Variants in STEAP3 observed in about 807,000 individuals in gnomAD.
The protein encoded by STEAP3 is STEAP3 metalloreductase, also known as metalloreductase STEAP3.
A neutral mutation model predicts 34.9 loss-of-function variants in STEAP3; 35 were observed. The ratio of observed to expected loss-of-function variants is 1.00; its 90% CI spans 0.76 to 1.33. The LOEUF is 1.33. Among genes scored for constraint, STEAP3 ranks in the 40% most tolerant of loss-of-function variants. The probability of loss-of-function intolerance (pLI) is 0.00; values close to 1 mark genes in which losing one functional copy is unlikely to be tolerated. For missense variants in STEAP3, 652 were observed against 667.6 expected, an observed-to-expected ratio of 0.98 and a Z score of 0.26; for synonymous variants, 281 against 301.6, an observed-to-expected ratio of 0.93 and a Z score of 0.71.
rs1658066492 is a variant in STEAP3 at position 119,230,948 on chromosome 2, G to A, written c.-65G>A. The A allele has an allele frequency of 6.2e-7, 1 of 1,606,704 alleles. No homozygotes were observed. Among genetic ancestry groups the A allele is most frequent in the African/African-American group, 1.3e-5 (1 of 74,842 alleles). ...TCCTGGTTGGAGACTGAGCCAGAAA[G>A]GGTGGCTCACCTCACGGTGAGGCTG... On this transcript the variant is annotated 5_prime_UTR_variant, in exon 2 of 6. Coordinates refer to ENST00000393110, the MANE Select transcript of STEAP3 (RefSeq NM_182915.3).
chr2:119,254,940 T>A, intron 5 of STEAP3, 92 bp downstream of exon 5: 1 of 1,455,584 alleles, frequency 6.9e-7, no homozygotes, highest in Non-Finnish European at 9.3e-7. Flanking sequence ...CTGCCTGGGC[T>A]CTGATCATCT....
intron 2 of STEAP3, among the ~76,000 whole-genome samples, chr2:119,243,422 C>T (rs1417286323): frequency 6.6e-6 from 1 of 152,176 alleles, no homozygotes; most frequent in Non-Finnish European, 1.5e-5. Context: ...GGCAGACAGA[C>T]CTGCCTCCTG....
Position 119,247,826 on chromosome 2 carries a change from G to T in STEAP3, c.670G>T (p.Val224Leu), listed in dbSNP as rs761354284. 1 of 1,613,002 alleles carries T rather than the reference G, an allele frequency of 6.2e-7. No individual in the cohort carries two copies. Residue 224 changes from valine to leucine, a missense_variant, in exon 4 of 6, where the codon GTG becomes TTG. Transcript: ENST00000393110. ...CCTGCGCCTCCTCCCGGCCTGGAAG[G>T]TGCCCACCCTGCTGGCCCTGGGGCT... ...MPLRLLPAWK[V>L]PTLLALGLFV...
At position 119,263,351 on chromosome 2, in the gene STEAP3, G is replaced by A. The variant is rs1326252938; in HGVS notation, c.*13G>A. On this transcript the variant is annotated 3_prime_UTR_variant, in exon 6 of 6. Transcript: ENST00000393110. ...GAGCCACGTATGAGGTGCCTGCCCT[G>A]GGCTCTGGACCCCGGGCACACGAGG... 1 of 1,609,564 alleles carries A rather than the reference G, an allele frequency of 6.2e-7. No homozygotes were observed. The highest frequency in any genetic ancestry group is 2.2e-5 in the East Asian group (1 of 44,720).
intron 4 of STEAP3, among the ~76,000 whole-genome samples, chr2:119,250,603 G>A (rs890130366): frequency 2.0e-5 from 3 of 152,162 alleles, no homozygotes; most frequent in African/African-American, 7.2e-5. Context: ...CCCCTGAGCT[G>A]GCAGGTATTT....
chr2:119,235,321 G>C (rs1677062940), intron 2 of STEAP3, among the ~76,000 whole-genome samples: 1 of 152,236 alleles, frequency 6.6e-6, no homozygotes, highest in Non-Finnish European at 1.5e-5. Context: ...ATCTAGAGGA[G>C]CTCAGAGACA....
Position 119,240,602 on chromosome 2 carries a change from C to T in STEAP3, c.23-4887C>T, listed in dbSNP as rs1054127397. Among the ~76,000 whole-genome samples the T allele has an allele frequency of 8.5e-5, 13 of 152,322 alleles. 2 individuals are homozygous for T. In the South Asian group the frequency reaches 2.5e-3, roughly 29 times the overall value. ...CTGGCAGGCAGGCCCATGGGCCAGG[C>T]GTGGCTCCCAGCCATAAACACAGGC... On this transcript the variant is annotated intron_variant, in intron 2 of 5. Transcript: ENST00000393110.
chr2:119,243,572 C>T (rs981151854), intron 2 of STEAP3, among the ~76,000 whole-genome samples: 10 of 152,184 alleles, frequency 6.6e-5, no homozygotes, highest in African/African-American at 9.7e-5. Flanking sequence ...GCCCATCACC[C>T]GAGGAAAGGC....
At chr2:119,257,371 C>T in intron 5 of STEAP3, 1 of 1,376,922 alleles carries the variant, frequency 7.3e-7, no homozygotes, top group Non-Finnish European at 9.4e-7. Context: ...GGCCTGCCTC[C>T]CATCCGTGGA....
At chr2:119,245,462 T>C (rs1189263073) in intron 2 of STEAP3, 27 bp from the exon 3 acceptor site, 1 of 1,554,646 alleles carries the variant, frequency 6.4e-7, no homozygotes, top group Non-Finnish European at 8.7e-7. Context: ...AGCCCTCCAC[T>C]GACCAGGTTC....
intron 3 of STEAP3, among the ~76,000 whole-genome samples, chr2:119,247,368 C>G (rs1677462137): frequency 6.6e-6 from 1 of 152,352 alleles, no homozygotes; most frequent in East Asian, 1.9e-4. Context: ...TGGGGACTAC[C>G]TGGATGAGCA....
At chr2:119,234,446 C>G (rs1677032736) in intron 2 of STEAP3, among the ~76,000 whole-genome samples, 1 of 152,224 alleles carries the variant, frequency 6.6e-6, no homozygotes, top group African/African-American at 2.4e-5. Flanking sequence ...CACAAGCCAG[C>G]TCCCTGGCCT....
chr2:119,234,774 C>T (rs1677046593), intron 2 of STEAP3, among the ~76,000 whole-genome samples: 1 of 152,206 alleles, frequency 6.6e-6, no homozygotes. Flanking sequence ...AATGGCACCT[C>T]CTAAAGTTGT....
At chr2:119,254,627 C>A in intron 4 of STEAP3, 57 bp from the exon 5 acceptor site, 1 of 1,604,508 alleles carries the variant, frequency 6.2e-7, no homozygotes, top group South Asian at 1.1e-5. Flanking sequence ...CATCATTGCC[C>A]TCCCGGGGCA....
At chr2:119,243,390 G>T (rs183007015) in intron 2 of STEAP3, among the ~76,000 whole-genome samples, 381 of 152,282 alleles carry the variant, frequency 2.5e-3, no homozygotes, top group Non-Finnish European at 4.4e-3. Context: ...GCAGTAAGAC[G>T]GAGTGAGGCT....
chr2:119,251,876 A>G (rs1677637866), intron 4 of STEAP3, among the ~76,000 whole-genome samples: 1 of 152,082 alleles, frequency 6.6e-6, no homozygotes, highest in Non-Finnish European at 1.5e-5. Context: ...GCTCCCCCAG[A>G]CTATCCCCTT....
chr2:119,263,251 G>C lies in STEAP3; in HGVS notation c.1410G>C (p.Arg470Ser). 1 of 1,614,136 alleles carries C rather than the reference G, an allele frequency of 6.2e-7. No homozygotes were observed. The highest frequency in any genetic ancestry group is 1.1e-5 in the South Asian group (1 of 91,088). ...LLPCISRRLA[R>S]IRRGWEREST... ...CCTGCATCAGCCGCAGACTCGCCAG[G>C]ATCCGGAGAGGCTGGGAGAGGGAGA... Residue 470 changes from arginine to serine, a missense_variant, in exon 6 of 6, where the codon AGG becomes AGC. Arg to Ser is a moderately radical substitution (Grantham distance 110). Coordinates refer to ENST00000393110, the MANE Select transcript of STEAP3 (RefSeq NM_182915.3).
rs113811524 is a variant in STEAP3 at position 119,249,618 on chromosome 2, C to G, written c.1050+1412C>G. Among the ~76,000 whole-genome samples, 298 of 152,266 alleles carry G rather than the reference C, an allele frequency of 2.0e-3. 1 individual carries two copies. Among genetic ancestry groups the G allele is most frequent in the Non-Finnish European group, 3.8e-3 (256 of 68,024 alleles). ...GTGAGGCTGGGCCCTCCCCTAAACA[C>G]CTAGCACAGGGCCATCCCCTCCGAG... On this transcript the variant is annotated intron_variant, in intron 4 of 5. Coordinates refer to ENST00000393110, the MANE Select transcript of STEAP3 (RefSeq NM_182915.3).
intron 1 of STEAP3, among the ~76,000 whole-genome samples, chr2:119,224,223 C>T (rs1300732468): frequency 1.3e-5 from 2 of 152,224 alleles, no homozygotes; most frequent in Non-Finnish European, 2.9e-5. Flanking sequence ...GCTGAGTCCA[C>T]AGGTCCCGTG....
Sources: gnomAD v4.1 joint callset for allele counts (sites outside exome capture counted in the v4.1 genomes callset) on GRCh38, gnomAD v4.1.1 for gene constraint, MANE v1.5 for transcripts, NCBI Gene and HGNC (gene_info 2026-07-23, HGNC 2026-07-21) for gene names.